ZNF462: variants seen among roughly 807,000 people sequenced by gnomAD.
The protein encoded by ZNF462 is zinc finger PBX1-interacting protein.
A neutral mutation model predicts 201.9 loss-of-function variants in ZNF462; 10 were observed. That is an observed-to-expected ratio of 0.05 (90% CI 0.03 to 0.08). ZNF462 has a LOEUF of 0.08. Among genes scored for constraint, ZNF462 ranks in the 10% least tolerant of loss-of-function variants. The pLI is 1.00. For missense variants in ZNF462, 2,523 were observed against 3,168.3 expected (o/e 0.80, Z 4.89); for synonymous variants, 1,227 against 1,193.3 (o/e 1.03, Z -0.58).
At position 106,984,423 on chromosome 9, in the gene ZNF462, C is replaced by A; in HGVS notation, c.7056+14C>A. Reference sequence around the variant, plus strand: ...GATGAGCATAAGGTACTTACCAGGACTTCCTGCTCCCGCCTCAGCACACTT... The same window carrying A: ...GATGAGCATAAGGTACTTACCAGGAATTCCTGCTCCCGCCTCAGCACACTT... On this transcript the variant is annotated intron_variant, in intron 10 of 12. Coordinates refer to ENST00000277225, the MANE Select transcript of ZNF462 (RefSeq NM_021224.6). This position sits in a 1 kb window ranked among gnomAD's most constrained non-coding sequence, Gnocchi z 6.4. The A allele has an allele frequency of 6.2e-7, 1 of 1,601,262 alleles. No homozygotes were observed. Among genetic ancestry groups the A allele is most frequent in the South Asian group, 1.1e-5 (1 of 89,028 alleles).
intron 7 of ZNF462, among the ~76,000 whole-genome samples, chr9:106,952,826 T>G (rs1436327714): frequency 6.6e-6 from 1 of 152,180 alleles, no homozygotes; most frequent in Non-Finnish European, 1.5e-5. Flanking sequence ...GGAACCTCCA[T>G]GACTAGCTCC....
Position 106,961,536 on chromosome 9 carries a change from T to A in ZNF462, c.6428-10469T>A, listed in dbSNP as rs185260563. On this transcript the variant is annotated intron_variant, in intron 7 of 12. Coordinates refer to ENST00000277225, the MANE Select transcript of ZNF462 (RefSeq NM_021224.6). ...AGAACAGTATTTTCAGTTTGTACTC[T>A]TTTTTTTTTTGGATGTTTGTAGCAT... Among the ~76,000 whole-genome samples, 945 of 133,512 alleles carry A rather than the reference T, an allele frequency of 7.1e-3. 10 individuals carry two copies. The highest frequency in any genetic ancestry group is 0.029 in the African/African-American group (848 of 29,132). The allele number at this position is 133,512 out of a possible 152,430, so 87.6% of individuals were successfully genotyped here. A position where few individuals can be genotyped will look rare whatever the true frequency, so the allele number is the denominator to read the frequency against.
intron 9 of ZNF462, among the ~76,000 whole-genome samples, chr9:106,980,529 T>C (rs562255880): frequency 6.6e-6 from 1 of 152,306 alleles, no homozygotes; most frequent in Admixed American, 6.5e-5. Flanking sequence ...TGAGCAGAAG[T>C]GAACCCTCTG....
intron 7 of ZNF462, among the ~76,000 whole-genome samples, chr9:106,942,566 G>A (rs988464068): frequency 6.6e-6 from 1 of 152,236 alleles, no homozygotes; most frequent in Non-Finnish European, 1.5e-5. Context: ...AATGCATTAA[G>A]AGGAAACAAT....
chr9:106,930,509 CA>C lies in ZNF462; in HGVS notation c.5848-15del. 1.9e-6 allele frequency: 3 copies of C among 1,613,674 alleles called. No individual in the cohort carries two copies. Among genetic ancestry groups the C allele is most frequent in the Non-Finnish European group, 2.5e-6 (3 of 1,179,720 alleles). On this transcript the variant is annotated splice_polypyrimidine_tract_variant and intron_variant, in intron 3 of 12. Transcript: ENST00000277225. This position sits in a 1 kb window ranked among gnomAD's most constrained non-coding sequence, Gnocchi z 5.8. ...GAGGGCTCGGAGTACTGATGGCTAC[CA>C]CTGTATTTTACCAGCCTTTTGGTCA...
chr9:107,003,433 C>G lies in ZNF462; in HGVS notation c.7189+7C>G. 6.2e-7 allele frequency: 1 copy of G among 1,612,690 alleles called. No individual in the cohort carries two copies. Among genetic ancestry groups the G allele is most frequent in the Non-Finnish European group, 8.5e-7 (1 of 1,179,428 alleles). On this transcript the variant is annotated splice_region_variant and intron_variant, in intron 11 of 12. Transcript: ENST00000277225. This position sits in a 1 kb window ranked among gnomAD's most constrained non-coding sequence, Gnocchi z 4.4. ...AGCAAGGCTGAAGACAGAGGTTAGT[C>G]TCATCCTGCCCTCCCAATCCCAGAT... is the stretch of plus-strand genomic sequence containing the variant.
chr9:106,893,337 T>C (rs1393987318), intron 1 of ZNF462, among the ~76,000 whole-genome samples: 1 of 152,162 alleles, frequency 6.6e-6, no homozygotes, highest in Non-Finnish European at 1.5e-5. Flanking sequence ...TTAAAGGAAG[T>C]TGGGGATATT....
rs933257577 is a variant in ZNF462 at position 106,919,489 on chromosome 9, A to T, written c.-30-3865A>T. On this transcript the variant is annotated intron_variant, in intron 1 of 12. Coordinates refer to ENST00000277225, the MANE Select transcript of ZNF462 (RefSeq NM_021224.6). This position sits in a 1 kb window ranked among gnomAD's most constrained non-coding sequence, Gnocchi z 4.5. The stretch of plus-strand genomic sequence containing the variant: ...AATGAGCAGGCTTTGTCCATAATTT[A>T]CTTTTCCCCATTTCTGTATATATGT... Among the ~76,000 whole-genome samples the T allele has an allele frequency of 6.6e-6, 1 of 152,136 alleles. No homozygotes were observed. The highest frequency in any genetic ancestry group is 1.5e-5 in the Non-Finnish European group (1 of 68,018).
intron 1 of ZNF462, among the ~76,000 whole-genome samples, chr9:106,896,489 CAGG>C (rs1828819198): frequency 6.6e-6 from 1 of 152,076 alleles, no homozygotes; most frequent in African/African-American, 2.4e-5. Flanking sequence ...ATCTCGGTTG[CAGG>C]ATGAGGTGGT....
At chr9:106,959,230 T>A (rs1831718715) in intron 7 of ZNF462, among the ~76,000 whole-genome samples, 1 of 152,026 alleles carries the variant, frequency 6.6e-6, no homozygotes, top group Non-Finnish European at 1.5e-5. Context: ...TAAGTAGCAG[T>A]GCATTTGGCT....
rs1296290550 is a variant in ZNF462, at chr9:106,902,302, T to C, written c.-30-21052T>C. Among the ~76,000 whole-genome samples the C allele has an allele frequency of 6.6e-6, 1 of 152,206 alleles. No homozygotes were observed. The highest frequency in any genetic ancestry group is 1.9e-4 in the East Asian group (1 of 5,204). On this transcript the variant is annotated intron_variant, in intron 1 of 12. Transcript: ENST00000277225. The surrounding 1 kb of genome is among the most constrained non-coding windows in gnomAD (Gnocchi z 4.2). ...ATCATGGTGGATTATCTTTTTGATATGTTGTTGAATTTGGTTAGCTAGTAT... is the reference window on the plus strand; with the variant it reads ...ATCATGGTGGATTATCTTTTTGATACGTTGTTGAATTTGGTTAGCTAGTAT...
intron 9 of ZNF462, chr9:106,979,390 G>A (rs1369405877): frequency 6.6e-6 from 1 of 151,512 alleles, no homozygotes; most frequent in Non-Finnish European, 1.5e-5. Flanking sequence ...GGGAATATTT[G>A]ACAAAAGGAC....
chr9:107,009,550 A>G lies in ZNF462; in HGVS notation c.7195A>G (p.Met2399Val). 6.2e-7 allele frequency: 1 copy of G among 1,613,882 alleles called. No homozygotes were observed. The highest frequency in any genetic ancestry group is 8.5e-7 in the Non-Finnish European group (1 of 1,179,880). Residue 2399 changes from methionine to valine, a missense_variant, in exon 12 of 13, where the codon ATG becomes GTG. Physicochemically the swap from Met to Val is conservative, Grantham distance 21 (BLOSUM62 1). Transcript: ENST00000277225. This position sits in a 1 kb window ranked among gnomAD's most constrained non-coding sequence, Gnocchi z 6.1. The part of the protein sequence containing the change: ...MNSKAEDREL[M>V]RFSDHGAALN... ...CTTCTGCTTTCTCTTTGCAGAGCTG[A>G]TGAGATTTTCTGACCACGGGGCTGC...
chr9:106,929,653 A>G lies in ZNF462; in HGVS notation c.5741A>G (p.His1914Arg). The change falls in exon 3 of 13, where the codon CAC becomes CGC. Residue 1914 changes from histidine (H) to arginine (R), a missense_variant. Around this residue, in one of 15 missense-constraint regions of ZNF462, gnomAD observed 107 missense variants for 187.7 expected, o/e 0.57. Coordinates refer to ENST00000277225, the MANE Select transcript of ZNF462 (RefSeq NM_021224.6). The surrounding 1 kb of genome is among the most constrained non-coding windows in gnomAD (Gnocchi z 8.7). ...GAGCTGACCTCACACTTGAACATTC[A>G]CAATGAGGAATTCCAGAAGCGTGCC... ...TAELTSHLNIHNEEFQKRAKR... is the reference protein window; with the variant it reads ...TAELTSHLNIRNEEFQKRAKR... 1 of 1,614,216 alleles carries G rather than the reference A, an allele frequency of 6.2e-7. No individual in the cohort carries two copies. Among genetic ancestry groups the G allele is most frequent in the Non-Finnish European group, 8.5e-7 (1 of 1,180,044 alleles).
Position 106,885,273 on chromosome 9 carries a change from T to C in ZNF462, c.-31+21918T>C, listed in dbSNP as rs928520311. Among the ~76,000 whole-genome samples the C allele has an allele frequency of 1.3e-5, 2 of 152,256 alleles. No homozygotes were observed. Among genetic ancestry groups the C allele is most frequent in the Non-Finnish European group, 2.9e-5 (2 of 68,048 alleles). ...TAGAATAAATGTTGTTAAGAGAATT[T>C]AATCTTCACTTTCCTTCTAACTTTA... On this transcript the variant is annotated intron_variant, in intron 1 of 12. Transcript: ENST00000277225. This position sits in a 1 kb window ranked among gnomAD's most constrained non-coding sequence, Gnocchi z 4.1.
intron 1 of ZNF462, among the ~76,000 whole-genome samples, chr9:106,897,337 C>T (rs1828855110): frequency 6.6e-6 from 1 of 152,002 alleles, no homozygotes; most frequent in African/African-American, 2.4e-5. Flanking sequence ...CTAAGAATTC[C>T]CTTAGTACAG....
At chr9:107,000,209 G>A (rs1332455877) in intron 10 of ZNF462, among the ~76,000 whole-genome samples, 3 of 152,008 alleles carry the variant, frequency 2.0e-5, no homozygotes, top group African/African-American at 7.2e-5. Flanking sequence ...GTTCAGGGTG[G>A]TGGGAGCAAG....
rs1187534519 is a variant in ZNF462, at chr9:106,883,846, A to G, written c.-31+20491A>G. ...ATGGGGGCTGGTGAGCAAACTCTAC[A>G]CCAGGCACACAAGTGTTTGTTTTAA... On this transcript the variant is annotated intron_variant, in intron 1 of 12. Transcript: ENST00000277225. The surrounding 1 kb of genome is among the most constrained non-coding windows in gnomAD (Gnocchi z 4.9). 6.6e-6 allele frequency among the ~76,000 whole-genome samples: 1 copy of G among 152,168 alleles called. No homozygotes were observed. The highest frequency in any genetic ancestry group is 1.5e-5 in the Non-Finnish European group (1 of 68,032).
In ZNF462 at chr9:107,012,741, G is replaced by T. The variant is rs1310668372; in HGVS notation, c.*1711G>T. 8.1e-5 allele frequency: 7 copies of T among 86,542 alleles called. No homozygotes were observed. The highest frequency in any genetic ancestry group is 1.4e-4 in the Admixed American group (1 of 7,072). 5.4% of individuals were successfully genotyped at this position (86,542 alleles called of 1,614,324 possible). A position where few individuals can be genotyped will look rare whatever the true frequency, so the allele number is the denominator to read the frequency against. On this transcript the variant is annotated 3_prime_UTR_variant, in exon 13 of 13. Coordinates refer to ENST00000277225, the MANE Select transcript of ZNF462 (RefSeq NM_021224.6). The stretch of plus-strand genomic sequence containing the variant: ...TTTTTTTTTTTTTTTACTTGGAAGG[G>T]TTGTGGGAGGGTGGGAGGGAAGAAA...
Sources: allele counts gnomAD v4.1 joint callset (sites outside exome capture counted in the v4.1 genomes callset), GRCh38; gene constraint gnomAD v4.1.1; regional missense constraint gnomAD v4.1.1; non-coding constraint Gnocchi (gnomAD v3.1); transcripts MANE v1.5; gene names NCBI Gene and HGNC (gene_info 2026-07-23, HGNC 2026-07-21).